Variants in SWT1 observed in about 807,000 individuals in gnomAD.
SWT1 encodes transcriptional protein SWT1.
A neutral mutation model predicts 107.3 loss-of-function variants in SWT1; 33 were observed. That is an observed-to-expected ratio of 0.31 (90% CI 0.23 to 0.41). SWT1 has a LOEUF of 0.41. Ranked by LOEUF, SWT1 falls within the 10% of genes least tolerant of loss-of-function variation. The pLI is 1.00. For missense variants in SWT1, 898 were observed against 1,028.9 expected (o/e 0.87, Z 1.74); for synonymous variants, 345 against 348.3 (o/e 0.99, Z 0.11).
intron 18 of SWT1, among the ~76,000 whole-genome samples, chr1:185,287,528 G>C (rs1665016894): frequency 6.6e-6 from 1 of 152,072 alleles, no homozygotes; most frequent in Non-Finnish European, 1.5e-5. Context: ...CAGATAGATG[G>C]TTTTTATAGG....
At position 185,186,956 on chromosome 1, in the gene SWT1, T is replaced by C. The variant is rs541298890; in HGVS notation, c.1429+2025T>C. 1.1e-4 allele frequency among the ~76,000 whole-genome samples: 17 copies of C among 151,956 alleles called. No homozygotes were observed. The South Asian group carries it at 2.5e-3, about 22-fold the overall frequency. ...TTTTAGTAGAGATAGGGTTTCACCA[T>C]GTTGGCCAGGCTGGTCTCTCACTCC... On this transcript the variant is annotated intron_variant, in intron 9 of 18. Coordinates refer to ENST00000367500, the MANE Select transcript of SWT1 (RefSeq NM_017673.7).
At chr1:185,255,745 C>A (rs1461740924) in intron 16 of SWT1, among the ~76,000 whole-genome samples, 2 of 148,476 alleles carry the variant, frequency 1.3e-5, no homozygotes, top group Non-Finnish European at 3.0e-5. Flanking sequence ...ATTTGCCAGT[C>A]TGTGTCTTTT....
At chr1:185,254,863 T>C (rs1450179630) in intron 16 of SWT1, among the ~76,000 whole-genome samples, 1 of 152,198 alleles carries the variant, frequency 6.6e-6, no homozygotes, top group East Asian at 1.9e-4. Context: ...TTCTTTTAAT[T>C]GTGATGTTAG....
chr1:185,188,955 A>G (rs1009182508), intron 9 of SWT1, among the ~76,000 whole-genome samples: 2 of 152,058 alleles, frequency 1.3e-5, no homozygotes, highest in African/African-American at 4.8e-5. Flanking sequence ...TCCAATTTCT[A>G]CACATTGCAT....
At chr1:185,158,600 A>G (rs1571372477) in intron 1 of SWT1, among the ~76,000 whole-genome samples, 1 of 151,032 alleles carries the variant, frequency 6.6e-6, no homozygotes, top group South Asian at 2.1e-4. Flanking sequence ...TGTTAATGTC[A>G]TTTAACACCA....
intron 17 of SWT1, 62 bp from the exon 18 acceptor site, chr1:185,276,542 A>AT: frequency 1.0e-6 from 1 of 979,806 alleles, no homozygotes; most frequent in Non-Finnish European, 1.5e-6. Context: ...GGCTACTCTA[A>AT]TTTTGCTGTC....
intron 10 of SWT1, among the ~76,000 whole-genome samples, chr1:185,191,309 A>G (rs958711626): frequency 6.6e-6 from 1 of 152,176 alleles, no homozygotes; most frequent in African/African-American, 2.4e-5. Context: ...TAAAACTAAG[A>G]TAATGCTAAA....
At chr1:185,288,932 G>A (rs917539188) in intron 18 of SWT1, among the ~76,000 whole-genome samples, 1 of 152,112 alleles carries the variant, frequency 6.6e-6, no homozygotes, top group Non-Finnish European at 1.5e-5. Context: ...CACATATTAA[G>A]CACTCCCTGC....
intron 16 of SWT1, among the ~76,000 whole-genome samples, chr1:185,261,128 C>A (rs1350377306): frequency 6.6e-6 from 1 of 152,128 alleles, no homozygotes; most frequent in Non-Finnish European, 1.5e-5. Context: ...CCACAGAATT[C>A]TTTTCATCTC....
chr1:185,180,938 A>C (rs2102372363), intron 6 of SWT1, among the ~76,000 whole-genome samples: 1 of 152,350 alleles, frequency 6.6e-6, no homozygotes, highest in East Asian at 1.9e-4. Flanking sequence ...TCCTAAGTTA[A>C]GATGAGATTC....
intron 16 of SWT1, among the ~76,000 whole-genome samples, chr1:185,252,142 T>C (rs1662087023): frequency 1.3e-5 from 2 of 152,366 alleles, no homozygotes; most frequent in South Asian, 2.1e-4. Flanking sequence ...TAGTATTCCA[T>C]GGTGTATATG....
chr1:185,263,042 C>T (rs115458904), intron 16 of SWT1, among the ~76,000 whole-genome samples: 5,537 of 152,282 alleles, frequency 0.036, 324 homozygotes, highest in African/African-American at 0.13. Context: ...CCGCCTCAGC[C>T]TTCTGAAGTG....
At chr1:185,233,885 A>G (rs1660673634) in intron 16 of SWT1, among the ~76,000 whole-genome samples, 1 of 152,120 alleles carries the variant, frequency 6.6e-6, no homozygotes, top group African/African-American at 2.4e-5. Flanking sequence ...CTGGGACTAC[A>G]GGCACCCGCC....
At chr1:185,173,804 C>T (rs1352762984) in intron 4 of SWT1, among the ~76,000 whole-genome samples, 1 of 151,862 alleles carries the variant, frequency 6.6e-6, no homozygotes, top group African/African-American at 2.4e-5. Flanking sequence ...ATTGCTTGAG[C>T]CCAGGAGTTT....
chr1:185,278,956 G>A (rs902551297), intron 18 of SWT1, among the ~76,000 whole-genome samples: 1 of 152,194 alleles, frequency 6.6e-6, no homozygotes, highest in African/African-American at 2.4e-5. Flanking sequence ...AAATTTGTTT[G>A]AGGATATCAG....
intron 16 of SWT1, among the ~76,000 whole-genome samples, chr1:185,233,203 A>G (rs1303094531): frequency 6.6e-6 from 1 of 152,148 alleles, no homozygotes; most frequent in African/African-American, 2.4e-5. Context: ...GGCAGACTAT[A>G]ATCACCTGGG....
chr1:185,280,298 CTG>C (rs1558100628), intron 18 of SWT1, among the ~76,000 whole-genome samples: 1 of 152,186 alleles, frequency 6.6e-6, no homozygotes, highest in Non-Finnish European at 1.5e-5. Flanking sequence ...CCATGCTTAA[CTG>C]TGAGTCAGCT....
chr1:185,215,029 T>C (rs3766719), intron 14 of SWT1, among the ~76,000 whole-genome samples: 2,630 of 152,318 alleles, frequency 0.017, 36 homozygotes, highest in East Asian at 0.055. Context: ...TCTGAAACCC[T>C]ATTGAATCTA....
intron 7 of SWT1, among the ~76,000 whole-genome samples, chr1:185,182,478 G>A (rs1188659527): frequency 6.6e-6 from 1 of 151,836 alleles, no homozygotes; most frequent in Non-Finnish European, 1.5e-5. Flanking sequence ...GACCAGCCTG[G>A]GCAGCATAGT....
Sources: allele counts gnomAD v4.1 joint callset (sites outside exome capture counted in the v4.1 genomes callset), GRCh38; gene constraint gnomAD v4.1.1; transcripts MANE v1.5; gene names NCBI Gene and HGNC (gene_info 2026-07-23, HGNC 2026-07-21).